The following AP4E1 variants were observed in gnomAD, a reference collection of about 807,000 sequenced individuals.
AP4E1 encodes adaptor related protein complex 4 subunit epsilon 1.
In AP4E1, 56 loss-of-function variants were observed where a neutral mutation model predicts 128.2. The ratio of observed to expected loss-of-function variants is 0.44; its 90% CI spans 0.35 to 0.55. AP4E1 has a LOEUF of 0.55. Among genes scored for constraint, AP4E1 ranks in the 20% least tolerant of loss-of-function variants. AP4E1 has a pLI of 0.00. For missense variants in AP4E1, 1,324 were observed against 1,307.7 expected (o/e 1.01, Z -0.19); for synonymous variants, 484 against 473.1 (o/e 1.02, Z -0.30).
chr15:50,908,525 C>A, upstream of AP4E1: 1 of 418,326 alleles, frequency 2.4e-6, no homozygotes. Flanking sequence ...AACCGCTACC[C>A]CGTCGCGAGA....
chr15:50,984,347 T>A (rs892186083), intron 16 of AP4E1, among the ~76,000 whole-genome samples: 1 of 152,066 alleles, frequency 6.6e-6, no homozygotes, highest in African/African-American at 2.4e-5. Context: ...GGGTACAGGT[T>A]CACAACGTGC....
intron 15 of AP4E1, among the ~76,000 whole-genome samples, chr15:50,981,209 G>A (rs77971635): frequency 0.014 from 2,147 of 152,264 alleles, 59 homozygotes; most frequent in African/African-American, 0.05. Context: ...AAAGCCATAG[G>A]ACTTTGTCAT....
intron 11 of AP4E1, among the ~76,000 whole-genome samples, chr15:50,948,811 A>G (rs2064103822): frequency 6.6e-6 from 1 of 151,938 alleles, no homozygotes; most frequent in African/African-American, 2.4e-5. Context: ...TGTCTCTACT[A>G]AAAATACAAA....
chr15:50,914,153 A>C (rs769537424), intron 2 of AP4E1, among the ~76,000 whole-genome samples: 3 of 152,144 alleles, frequency 2.0e-5, no homozygotes, highest in Non-Finnish European at 4.4e-5. Flanking sequence ...GTGTTAATGA[A>C]TTAACTTTTA....
intron 11 of AP4E1, among the ~76,000 whole-genome samples, chr15:50,948,385 G>A (rs1354404262): frequency 7.1e-6 from 1 of 140,328 alleles, no homozygotes. Context: ...ATGTAGTCCA[G>A]TATTTTGAGC....
At chr15:50,976,375 A>G (rs964951242) in intron 15 of AP4E1, among the ~76,000 whole-genome samples, 18 of 152,318 alleles carry the variant, frequency 1.2e-4, no homozygotes, top group Middle Eastern at 3.4e-3. Context: ...ATAGAAGGCA[A>G]TATCTCAATA....
chr15:50,987,243 C>A (rs1218534473), intron 16 of AP4E1, among the ~76,000 whole-genome samples: 3 of 152,032 alleles, frequency 2.0e-5, no homozygotes, highest in Non-Finnish European at 4.4e-5. Context: ...TTGATCTTTT[C>A]AAAAAACCAG....
intron 16 of AP4E1, among the ~76,000 whole-genome samples, chr15:50,992,538 T>A (rs375920438): frequency 5.9e-5 from 9 of 152,212 alleles, no homozygotes; most frequent in African/African-American, 2.2e-4. Context: ...GATTCACAAC[T>A]GCAACTTTTG....
At chr15:50,950,607 T>TTTTTA (rs927300705) in intron 13 of AP4E1, among the ~76,000 whole-genome samples, 1 of 152,164 alleles carries the variant, frequency 6.6e-6, no homozygotes, top group Non-Finnish European at 1.5e-5. Flanking sequence ...TTCTTCTTCT[T>TTTTTA]TTTTATTTTA....
At chr15:50,968,161 G>A in intron 14 of AP4E1, 102 bp from the exon 15 acceptor site, 1 of 851,916 alleles carries the variant, frequency 1.2e-6, no homozygotes, top group East Asian at 2.8e-5. Flanking sequence ...TTCTCATTTA[G>A]AATTTTAAAA....
rs1340418087 is a variant in AP4E1, at chr15:50,958,775, G to A, written c.1832G>A (p.Arg611Lys). 4 of 1,614,148 alleles carry A rather than the reference G, an allele frequency of 2.5e-6. No individual in the cohort carries two copies. In the South Asian group the frequency reaches 3.3e-5, roughly 13 times the overall value. The change falls in exon 14 of 21, where the codon AGG (arginine) becomes AAG (lysine). Residue 611 changes from arginine (R) to lysine (K), a missense_variant. Coordinates refer to ENST00000261842, the MANE Select transcript of AP4E1 (RefSeq NM_007347.5). ...ATGAAGAGCTTGCTTCCAGTTGACA[G>A]GAGTTGTGAAGACTTGGTGGTAAGA... ...ELMKSLLPVDRSCEDLVVDAS... is the reference protein window; with the variant it reads ...ELMKSLLPVDKSCEDLVVDAS...
chr15:50,941,825 A>G (rs778368142), intron 10 of AP4E1, 50 bp downstream of exon 10: 68 of 1,429,206 alleles, frequency 4.8e-5, no homozygotes, highest in Admixed American at 2.0e-4. Flanking sequence ...ATTTTTAAAA[A>G]TTTTGTTGGC....
intron 8 of AP4E1, among the ~76,000 whole-genome samples, chr15:50,937,979 T>C (rs2063929482): frequency 6.6e-6 from 1 of 152,154 alleles, no homozygotes; most frequent in African/African-American, 2.4e-5. Context: ...GAGAAAATTA[T>C]ATAAAATGGA....
chr15:50,909,395 G>T (rs1028508995), intron 1 of AP4E1, among the ~76,000 whole-genome samples: 1 of 152,068 alleles, frequency 6.6e-6, no homozygotes, highest in South Asian at 2.1e-4. Context: ...CAACAGTTCA[G>T]ATGTCGCATA....
Position 50,912,135 on chromosome 15 carries a change from C to A in AP4E1, c.208C>A (p.Pro70Thr). Residue 70 changes from proline to threonine, a missense_variant, in exon 2 of 21, where the codon CCT becomes ACT. Coordinates refer to ENST00000261842, the MANE Select transcript of AP4E1 (RefSeq NM_007347.5). ...TAGTCTGAAAGCGACTGTTTCTGCTCCTACTACAACACTGGTAGGTTTGCA... is the reference window on the plus strand; with the variant it reads ...TAGTCTGAAAGCGACTGTTTCTGCTACTACTACAACACTGGTAGGTTTGCA... ...LSSLKATVSAPTTTLKMMKEC... is the reference protein window; with the variant it reads ...LSSLKATVSATTTTLKMMKEC... 1.2e-6 allele frequency: 2 copies of A among 1,614,048 alleles called. No individual in the cohort carries two copies. Among genetic ancestry groups the A allele is most frequent in the Non-Finnish European group, 1.7e-6 (2 of 1,179,948 alleles).
chr15:50,966,371 A>G (rs944533634), intron 14 of AP4E1, among the ~76,000 whole-genome samples: 6 of 152,064 alleles, frequency 3.9e-5, no homozygotes, highest in African/African-American at 1.2e-4. Context: ...CCTCAAGGGC[A>G]GAGGCCTTGT....
intron 5 of AP4E1, among the ~76,000 whole-genome samples, chr15:50,928,156 A>G (rs1036569790): frequency 6.6e-6 from 1 of 152,184 alleles, no homozygotes. Context: ...TTTTTATTCC[A>G]TGTGTGTCCT....
chr15:50,963,441 A>T (rs1006270715), intron 14 of AP4E1, among the ~76,000 whole-genome samples: 3 of 152,172 alleles, frequency 2.0e-5, no homozygotes, highest in African/African-American at 4.8e-5. Flanking sequence ...CATAGATGGG[A>T]CTTATTTCAC....
intron 15 of AP4E1, among the ~76,000 whole-genome samples, chr15:50,970,881 G>A (rs1289536229): frequency 3.3e-5 from 5 of 152,152 alleles, no homozygotes; most frequent in South Asian, 2.1e-4. Flanking sequence ...ATTGATGGGC[G>A]AGGATTTGCT....
Sources: allele counts gnomAD v4.1 joint callset (sites outside exome capture counted in the v4.1 genomes callset), GRCh38; gene constraint gnomAD v4.1.1; transcripts MANE v1.5; gene names NCBI Gene and HGNC (gene_info 2026-07-23, HGNC 2026-07-21).